Variants in SCRG1 observed in about 807,000 individuals in gnomAD.
SCRG1 encodes stimulator of chondrogenesis 1.
A neutral mutation model predicts 7.7 loss-of-function variants in SCRG1; 3 were observed. That is an observed-to-expected ratio of 0.39 (90% CI 0.18 to 1.01). SCRG1 has a LOEUF of 1.01. Among genes scored for constraint, SCRG1 ranks in the 50% least tolerant of loss-of-function variants. SCRG1 has a pLI of 0.36. For synonymous variants in SCRG1, 46 were observed against 41.2 expected, an observed-to-expected ratio of 1.12 and a Z score of -0.44; for missense variants, 110 against 117.2, an observed-to-expected ratio of 0.94 and a Z score of 0.28.
At chr4:173,498,385 G>A in the SCRG1 span, among the ~76,000 whole-genome samples, 1 of 152,200 alleles carries the variant, frequency 6.6e-6, no homozygotes, top group Non-Finnish European at 1.5e-5. Flanking sequence ...GGGATAGGGA[G>A]GAGGTAGCCT....
At chr4:173,480,707 C>T in the SCRG1 span, among the ~76,000 whole-genome samples, 9 of 151,968 alleles carry the variant, frequency 5.9e-5, no homozygotes, top group African/African-American at 2.2e-4. Context: ...TAAGGAATTA[C>T]TGTGAATTTA....
the SCRG1 span, among the ~76,000 whole-genome samples, chr4:173,517,983 G>A: frequency 6.6e-6 from 1 of 152,232 alleles, no homozygotes; most frequent in African/African-American, 2.4e-5. Context: ...CTCCCCAGAG[G>A]CTCTTTTGTA....
At chr4:173,439,513 T>TA in the SCRG1 span, among the ~76,000 whole-genome samples, 2 of 146,868 alleles carry the variant, frequency 1.4e-5, no homozygotes, top group Admixed American at 6.8e-5. Context: ...AGACCCTGTT[T>TA]AAAAAAAAAA....
the SCRG1 span, among the ~76,000 whole-genome samples, chr4:173,475,044 T>A: frequency 5.3e-5 from 8 of 151,562 alleles, no homozygotes; most frequent in African/African-American, 1.7e-4. Flanking sequence ...AATCTCTCTC[T>A]CTTTTCCTCT....
the SCRG1 span, among the ~76,000 whole-genome samples, chr4:173,460,752 A>G: frequency 6.6e-6 from 1 of 152,136 alleles, no homozygotes; most frequent in Non-Finnish European, 1.5e-5. Flanking sequence ...GTAAAGTACC[A>G]AGTGGGCTCC....
At chr4:173,418,738 G>A in the SCRG1 span, among the ~76,000 whole-genome samples, 5 of 152,158 alleles carry the variant, frequency 3.3e-5, no homozygotes, top group South Asian at 2.1e-4. Context: ...TTGGATCACC[G>A]GTGGGGCGGA....
chr4:173,460,511 G>A, the SCRG1 span, among the ~76,000 whole-genome samples: 3 of 152,220 alleles, frequency 2.0e-5, no homozygotes, highest in African/African-American at 7.2e-5. Context: ...TCAGACTCAT[G>A]AGGCCTCCAT....
intron 1 of SCRG1, among the ~76,000 whole-genome samples, chr4:173,398,639 C>G (rs1183880292): frequency 2.0e-5 from 3 of 152,184 alleles, no homozygotes; most frequent in Non-Finnish European, 4.4e-5. Context: ...AAAACATTTT[C>G]TTTCTTAGAT....
At chr4:173,479,435 G>GTTTGTTTT in the SCRG1 span, among the ~76,000 whole-genome samples, 1 of 125,930 alleles carries the variant, frequency 7.9e-6, no homozygotes, top group African/African-American at 2.8e-5. Flanking sequence ...TTGTTTGTTT[G>GTTTGTTTT]TTTTTTTGTT....
At chr4:173,454,120 C>A in the SCRG1 span, among the ~76,000 whole-genome samples, 5 of 150,158 alleles carry the variant, frequency 3.3e-5, no homozygotes, top group African/African-American at 1.2e-4. Context: ...GCTGTGCGAT[C>A]TAGGAAGGCA....
At chr4:173,516,014 G>A in the SCRG1 span, among the ~76,000 whole-genome samples, 2 of 152,036 alleles carry the variant, frequency 1.3e-5, no homozygotes, top group Admixed American at 1.3e-4. Flanking sequence ...AAAACCCAAG[G>A]GGCCCAACTG....
intron 2 of SCRG1, 68 bp from the exon 3 acceptor site, chr4:173,388,463 T>C: frequency 9.4e-7 from 1 of 1,058,320 alleles, no homozygotes; most frequent in Non-Finnish European, 1.4e-6. Flanking sequence ...TATTCTAGGT[T>C]AAAAATAGAC....
chr4:173,392,298 C>T (rs1739472256), intron 1 of SCRG1, among the ~76,000 whole-genome samples: 1 of 152,116 alleles, frequency 6.6e-6, no homozygotes, highest in African/African-American at 2.4e-5. Flanking sequence ...GATTTTTATC[C>T]CACATAGACT....
At chr4:173,486,673 C>T in the SCRG1 span, among the ~76,000 whole-genome samples, 5 of 152,054 alleles carry the variant, frequency 3.3e-5, no homozygotes, top group African/African-American at 7.2e-5. Context: ...TTCCTTCCTG[C>T]GTTGGACCAT....
the SCRG1 span, among the ~76,000 whole-genome samples, chr4:173,515,641 C>T: frequency 2.0e-5 from 3 of 151,894 alleles, no homozygotes; most frequent in South Asian, 4.1e-4. The surrounding 1 kb of genome is among the most constrained non-coding windows in gnomAD (Gnocchi z 4.6). Flanking sequence ...GTATGGAGGT[C>T]AGGCTGTGCG....
chr4:173,455,763 G>A, the SCRG1 span, among the ~76,000 whole-genome samples: 4 of 151,190 alleles, frequency 2.6e-5, no homozygotes, highest in African/African-American at 9.8e-5. Context: ...TGGATACCAA[G>A]CTTAAAAAGG....
chr4:173,389,306 G>T (rs548652829), intron 2 of SCRG1, among the ~76,000 whole-genome samples: 23 of 152,234 alleles, frequency 1.5e-4, no homozygotes, highest in Non-Finnish European at 2.6e-4. Flanking sequence ...AGGCCAAGGC[G>T]GGCAGATCAC....
At chr4:173,516,041 C>A in the SCRG1 span, among the ~76,000 whole-genome samples, 1 of 152,086 alleles carries the variant, frequency 6.6e-6, no homozygotes, top group African/African-American at 2.4e-5. Context: ...CCTCGGGGGC[C>A]AATGCTCTTC....
the SCRG1 span, among the ~76,000 whole-genome samples, chr4:173,416,239 G>C: frequency 6.6e-6 from 1 of 152,228 alleles, no homozygotes; most frequent in African/African-American, 2.4e-5. Context: ...TGCCAAGTGG[G>C]AGGGATTCTG....
Sources: allele counts gnomAD v4.1 joint callset (sites outside exome capture counted in the v4.1 genomes callset), GRCh38; gene constraint gnomAD v4.1.1; non-coding constraint Gnocchi (gnomAD v3.1); transcripts MANE v1.5; gene names NCBI Gene and HGNC (gene_info 2026-07-23, HGNC 2026-07-21).